PLPPR4: variants seen among roughly 807,000 people sequenced by gnomAD.
PLPPR4 encodes phospholipid phosphatase related 4, also known as phospholipid phosphatase-related protein type 4.
A neutral mutation model predicts 56.6 loss-of-function variants in PLPPR4; 24 were observed. The ratio of observed to expected loss-of-function variants is 0.42; its 90% confidence interval spans 0.31 to 0.60. The LOEUF is 0.60. Ranked by LOEUF, PLPPR4 falls within the 20% of genes least tolerant of loss-of-function variation. PLPPR4 has a pLI of 0.13. For missense variants in PLPPR4, 654 were observed against 885.8 expected (o/e 0.74, Z 3.32); for synonymous variants, 326 against 328.1 (o/e 0.99, Z 0.07).
At chr1:99,268,951 A>C (rs1017741141) in intron 1 of PLPPR4, among the ~76,000 whole-genome samples, 1 of 152,218 alleles carries the variant, frequency 6.6e-6, no homozygotes, top group African/African-American at 2.4e-5. Flanking sequence ...TTATACTTTA[A>C]GTTCTGGGGT....
chr1:99,303,895 G>A (rs183445865), intron 6 of PLPPR4, among the ~76,000 whole-genome samples: 1 of 152,238 alleles, frequency 6.6e-6, no homozygotes, highest in African/African-American at 2.4e-5. Flanking sequence ...AAATAAAGGA[G>A]ACTGGAAATG....
At chr1:99,293,488 A>G (rs977502803) in intron 2 of PLPPR4, among the ~76,000 whole-genome samples, 1 of 152,164 alleles carries the variant, frequency 6.6e-6, no homozygotes, top group Non-Finnish European at 1.5e-5. Context: ...GAAAACAAGA[A>G]AGACTATTTG....
chr1:99,300,850 A>G (rs1659868246), intron 4 of PLPPR4, 59 bp from the exon 5 acceptor site: 1 of 1,269,372 alleles, frequency 7.9e-7, no homozygotes, highest in South Asian at 1.2e-5. Flanking sequence ...TGTCTTTGAG[A>G]TGATTGCTAG....
At chr1:99,297,628 C>G (rs529856658) in intron 3 of PLPPR4, among the ~76,000 whole-genome samples, 1 of 152,160 alleles carries the variant, frequency 6.6e-6, no homozygotes, top group Admixed American at 6.5e-5. Flanking sequence ...TAATTGATGG[C>G]TTTGCTTAAT....
At chr1:99,298,164 A>G (rs565707931) in intron 3 of PLPPR4, among the ~76,000 whole-genome samples, 2 of 152,202 alleles carry the variant, frequency 1.3e-5, no homozygotes, top group East Asian at 1.9e-4. Context: ...GTGACTGAAG[A>G]ATTACCCTGG....
upstream of PLPPR4, chr1:99,264,341 G>A (rs763951230): frequency 2.1e-4 from 200 of 947,734 alleles, no homozygotes; most frequent in South Asian, 4.4e-4. Context: ...GTCGTCTCTC[G>A]CCAGAAAAAC....
At chr1:99,280,452 C>A (rs796656684) in intron 1 of PLPPR4, among the ~76,000 whole-genome samples, 38 of 152,220 alleles carry the variant, frequency 2.5e-4, no homozygotes, top group African/African-American at 7.7e-4. Context: ...ATCATAATTT[C>A]TTGATTTCTT....
chr1:99,288,366 T>C (rs1240950216), intron 2 of PLPPR4, among the ~76,000 whole-genome samples: 1 of 152,184 alleles, frequency 6.6e-6, no homozygotes, highest in East Asian at 1.9e-4. Context: ...AAATGATTGA[T>C]TCCTAGTGTT....
At chr1:99,280,141 C>T (rs1298107519) in intron 1 of PLPPR4, among the ~76,000 whole-genome samples, 2 of 152,262 alleles carry the variant, frequency 1.3e-5, no homozygotes, top group Middle Eastern at 6.8e-3. Flanking sequence ...GTTATCTTAG[C>T]GGTGTGGAGG....
At chr1:99,288,241 C>T (rs1309884719) in intron 2 of PLPPR4, 91 bp downstream of exon 2, 6 of 1,106,572 alleles carry the variant, frequency 5.4e-6, no homozygotes, top group South Asian at 1.6e-5. Flanking sequence ...GCAAACAAAA[C>T]GTGAACTCTA....
At position 99,305,813 on chromosome 1, in the gene PLPPR4, C is replaced by T; in HGVS notation, c.951C>T (p.Ser317=). The T allele has an allele frequency of 6.2e-7, 1 of 1,614,082 alleles. No individual in the cohort carries two copies. Among genetic ancestry groups the T allele is most frequent in the South Asian group, 1.1e-5 (1 of 91,084 alleles). ...TTTTATCTGCTAAAAATGGTAGCAG[C>T]AGTGATGGAATTGCTCATACAGAAG... The part of the protein sequence containing the change: ...NRLLSAKNGS[S]SDGIAHTEGI... Residue 317 remains serine, a synonymous_variant, in exon 7 of 7, where the codon AGC becomes AGT. Coordinates refer to ENST00000370185, the MANE Select transcript of PLPPR4 (RefSeq NM_014839.5).
chr1:99,282,739 T>A (rs1659362503), intron 1 of PLPPR4, among the ~76,000 whole-genome samples: 3 of 151,942 alleles, frequency 2.0e-5, no homozygotes, highest in Non-Finnish European at 4.4e-5. Context: ...TGACTTCATT[T>A]TGTATCACTT....
chr1:99,279,132 A>G lies in PLPPR4; in HGVS notation c.79-8833A>G, dbSNP rs373546128. ...TTACTGTATATTGGGGACACCTAGT[A>G]TGTCAGGGATAAAGAGATGGATAAG... On this transcript the variant is annotated intron_variant, in intron 1 of 6. Coordinates refer to ENST00000370185, the MANE Select transcript of PLPPR4 (RefSeq NM_014839.5). Among the ~76,000 whole-genome samples, 89 of 152,328 alleles carry G rather than the reference A, an allele frequency of 5.8e-4. No homozygotes were observed. In the East Asian group the frequency reaches 0.017, roughly 29 times the overall value.
intron 4 of PLPPR4, among the ~76,000 whole-genome samples, chr1:99,300,332 C>T (rs774882815): frequency 4.6e-5 from 7 of 151,940 alleles, no homozygotes; most frequent in Non-Finnish European, 1.0e-4. Flanking sequence ...ATAAGATGAT[C>T]TATAATTCTT....
chr1:99,291,334 T>C (rs1659615514), intron 2 of PLPPR4, among the ~76,000 whole-genome samples: 1 of 151,668 alleles, frequency 6.6e-6, no homozygotes, highest in South Asian at 2.1e-4. Context: ...TTATACACTG[T>C]TGTGGGTTCA....
chr1:99,303,021 G>A (rs895519456), intron 6 of PLPPR4, among the ~76,000 whole-genome samples: 2 of 152,020 alleles, frequency 1.3e-5, no homozygotes, highest in Non-Finnish European at 2.9e-5. Context: ...CATGTTAAAC[G>A]ATATAACAGG....
chr1:99,269,876 A>C (rs1659005249), intron 1 of PLPPR4, among the ~76,000 whole-genome samples: 1 of 152,190 alleles, frequency 6.6e-6, no homozygotes, highest in South Asian at 2.1e-4. Context: ...GTACAAATAC[A>C]CATGGAGTAA....
At chr1:99,285,571 C>A (rs769395733) in intron 1 of PLPPR4, among the ~76,000 whole-genome samples, 1 of 151,988 alleles carries the variant, frequency 6.6e-6, no homozygotes, top group Non-Finnish European at 1.5e-5. Context: ...TGCAAAGCAT[C>A]CATCTGAAAA....
chr1:99,274,411 C>T (rs958952152), intron 1 of PLPPR4, among the ~76,000 whole-genome samples: 3 of 152,052 alleles, frequency 2.0e-5, no homozygotes, highest in African/African-American at 7.2e-5. Context: ...TACCAACACC[C>T]CCTCTCCCAT....
Sources: allele counts gnomAD v4.1 joint callset (sites outside exome capture counted in the v4.1 genomes callset), GRCh38; gene constraint gnomAD v4.1.1; transcripts MANE v1.5; gene names NCBI Gene and HGNC (gene_info 2026-07-23, HGNC 2026-07-21).